Variants in SRPK2 observed in about 807,000 individuals in gnomAD.
SRPK2 encodes the protein SRSF protein kinase 2.
In SRPK2, 21 loss-of-function variants were observed where a neutral mutation model predicts 90.8. The ratio of observed to expected loss-of-function variants is 0.23; its 90% CI spans 0.16 to 0.33. SRPK2 has a LOEUF of 0.33. SRPK2 is among the 10% of genes least tolerant of loss of function. The probability of loss-of-function intolerance (pLI) is 1.00; values close to 1 mark genes in which losing one functional copy is unlikely to be tolerated. For synonymous variants in SRPK2, 288 were observed against 311.1 expected (o/e 0.93, Z 0.78); for missense variants, 620 against 869.0 (o/e 0.71, Z 3.60).
chr7:105,304,172 G>A (rs1173389680), intron 2 of SRPK2: 1 of 152,172 alleles, frequency 6.6e-6, no homozygotes, highest in Non-Finnish European at 1.5e-5. Context: ...CAAGACTGCT[G>A]AATGTTAACA....
intron 2 of SRPK2, among the ~76,000 whole-genome samples, chr7:105,303,100 G>A (rs1007942439): frequency 1.3e-5 from 2 of 152,040 alleles, no homozygotes; most frequent in Non-Finnish European, 2.9e-5. Flanking sequence ...GGGAGAAAAT[G>A]TGGCACATAT....
At chr7:105,187,601 CG>C in intron 3 of SRPK2, among the ~76,000 whole-genome samples, 1 of 152,228 alleles carries the variant, frequency 6.6e-6, no homozygotes, top group Non-Finnish European at 1.5e-5. Flanking sequence ...TAAATCCTTC[CG>C]TCTTGAAAAC....
intron 13 of SRPK2, among the ~76,000 whole-genome samples, chr7:105,131,410 T>C (rs2299304): frequency 0.32 from 49,021 of 152,124 alleles, 8,120 homozygotes; most frequent in Non-Finnish European, 0.36. Context: ...CACCGGTTCT[T>C]TTAACCGTTC....
chr7:105,135,984 C>T (rs1044011239), intron 11 of SRPK2, among the ~76,000 whole-genome samples: 1 of 152,070 alleles, frequency 6.6e-6, no homozygotes, highest in Non-Finnish European at 1.5e-5. Context: ...AGGCTGGTCT[C>T]GAACTCCTGA....
At chr7:105,355,428 T>C (rs1213028088) in intron 2 of SRPK2, among the ~76,000 whole-genome samples, 1 of 152,114 alleles carries the variant, frequency 6.6e-6, no homozygotes, top group Non-Finnish European at 1.5e-5. Flanking sequence ...AAGGATCATT[T>C]AAGCTCAGGA....
In SRPK2 at chr7:105,146,596, C is replaced by T. The variant is rs369405262; in HGVS notation, c.684G>A (p.Pro228=). The T allele has an allele frequency of 5.6e-5, 91 of 1,614,028 alleles. No homozygotes were observed. Among genetic ancestry groups the T allele is most frequent in the Non-Finnish European group, 7.6e-6 (9 of 1,180,024 alleles). The change falls in exon 8 of 16, where the codon CCG becomes CCA. Residue 228 remains proline (P), a synonymous_variant. Transcript: ENST00000393651. ...CATCCACACACATCAAGATATTTTC[C>T]GGCTTTATGTCAGTATGAATGATCT... ...KCKIIHTDIK[P]ENILMCVDDA...
intron 3 of SRPK2, among the ~76,000 whole-genome samples, chr7:105,170,903 GAAAGAAAGA>G (rs1790896127): frequency 1.4e-4 from 10 of 73,382 alleles, no homozygotes; most frequent in East Asian, 4.1e-4. Flanking sequence ...AAGAAAGAAA[GAAAGAAAGA>G]AAGGAGAAAG....
chr7:105,199,790 A>G (rs1265852054), intron 3 of SRPK2, among the ~76,000 whole-genome samples: 1 of 152,076 alleles, frequency 6.6e-6, no homozygotes. Context: ...AAGCAGGTGC[A>G]TATGTTTGTG....
chr7:105,387,559 G>C (rs1490310662), intron 2 of SRPK2, among the ~76,000 whole-genome samples: 1 of 145,410 alleles, frequency 6.9e-6, no homozygotes, highest in Non-Finnish European at 1.5e-5. Context: ...CACATTTTGT[G>C]AAACTGAAGG....
chr7:105,324,506 T>A, intron 2 of SRPK2, among the ~76,000 whole-genome samples: 1 of 152,064 alleles, frequency 6.6e-6, no homozygotes, highest in African/African-American at 2.4e-5. Context: ...TAACAGAAAA[T>A]CTAGCTAATG....
intron 2 of SRPK2, chr7:105,301,971 C>T: frequency 6.2e-7 from 1 of 1,608,234 alleles, no homozygotes; most frequent in African/African-American, 1.3e-5. Flanking sequence ...CTTTCAAAAG[C>T]CCAGAAGCGT....
At chr7:105,170,929 AAAAAGG>A (rs1790934825) in intron 3 of SRPK2, among the ~76,000 whole-genome samples, 12 of 82,218 alleles carry the variant, frequency 1.5e-4, no homozygotes, top group Non-Finnish European at 9.9e-5. Flanking sequence ...AAAGAAAAAG[AAAAAGG>A]AAAGAAAGAA....
chr7:105,301,843 A>G, intron 2 of SRPK2: 3 of 1,564,948 alleles, frequency 1.9e-6, no homozygotes, highest in Non-Finnish European at 2.6e-6. Flanking sequence ...AAAGACAATA[A>G]GAGCAGTTCA....
intron 11 of SRPK2, among the ~76,000 whole-genome samples, chr7:105,139,724 T>C (rs1252859761): frequency 1.3e-5 from 2 of 152,232 alleles, no homozygotes; most frequent in African/African-American, 4.8e-5. Context: ...TATTATTATA[T>C]GTTATTTATG....
At chr7:105,291,494 C>T (rs1809009524) in intron 2 of SRPK2, among the ~76,000 whole-genome samples, 1 of 151,810 alleles carries the variant, frequency 6.6e-6, no homozygotes, top group African/African-American at 2.4e-5. Context: ...TTTGTGAGGC[C>T]GAGGCAGGTG....
In SRPK2 at chr7:105,181,130, CTAATCAT is replaced by C. The variant is rs571100317; in HGVS notation, c.230-11872_230-11866del. Among the ~76,000 whole-genome samples, 416 of 152,304 alleles carry C rather than the reference CTAATCAT, an allele frequency of 2.7e-3. 2 individuals carry two copies. Among genetic ancestry groups the C allele is most frequent in the African/African-American group, 9.4e-3 (389 of 41,556 alleles). ...GCATATAAAAACCTGCTCAACATCA[CTAATCAT>C]TAGAGAAATGCAAATTGAAACCACG... is the stretch of plus-strand genomic sequence containing the variant. On this transcript the variant is annotated intron_variant, in intron 3 of 15. Coordinates refer to ENST00000393651, the MANE Select transcript of SRPK2 (RefSeq NM_182692.3).
intron 2 of SRPK2, among the ~76,000 whole-genome samples, chr7:105,242,810 C>CG (rs1410298730): frequency 6.6e-6 from 1 of 152,128 alleles, no homozygotes; most frequent in Non-Finnish European, 1.5e-5. Flanking sequence ...CGAGGCAAGC[C>CG]GGATCTCCAA....
intron 2 of SRPK2, among the ~76,000 whole-genome samples, chr7:105,215,243 G>C (rs1797317459): frequency 6.6e-6 from 1 of 152,066 alleles, no homozygotes; most frequent in African/African-American, 2.4e-5. Flanking sequence ...TCCTAGGAAA[G>C]AGACACAACA....
At chr7:105,188,351 C>CGACA (rs145462214) in intron 3 of SRPK2, among the ~76,000 whole-genome samples, 5,200 of 152,216 alleles carry the variant, frequency 0.034, 320 homozygotes, top group African/African-American at 0.12. Flanking sequence ...TAGGGACTGG[C>CGACA]TGTCAATGGA....
Sources: allele counts gnomAD v4.1 joint callset (sites outside exome capture counted in the v4.1 genomes callset), GRCh38; gene constraint gnomAD v4.1.1; transcripts MANE v1.5; gene names NCBI Gene and HGNC (gene_info 2026-07-23, HGNC 2026-07-21).